Variants in TMEM35A observed in about 807,000 individuals in gnomAD.
TMEM35A encodes transmembrane protein 35A.
For synonymous variants in TMEM35A, 50 were observed against 54.7 expected, an observed-to-expected ratio of 0.91 and a Z score of 0.38; for missense variants, 83 against 132.7, an observed-to-expected ratio of 0.63 and a Z score of 1.84.
rs780147743 is a variant in TMEM35A at position 101,078,947 on chromosome X, G to A, written c.-56G>A. The A allele has an allele frequency of 1.8e-4, 220 of 1,204,331 alleles. No individual in the cohort carries two copies. The highest frequency in any genetic ancestry group is 2.3e-4 in the Non-Finnish European group (209 of 891,727). ...TCCCTGTGCTAACTGCCTGCACCTT[G>A]GACAGAGCGGGTGCGCAAATCAGAA... On this transcript the variant is annotated 5_prime_UTR_variant, in exon 1 of 2. Transcript: ENST00000372930.
At chrX:101,082,512 T>G (rs1049427463) in intron 1 of TMEM35A, among the ~76,000 whole-genome samples, 12 of 108,974 alleles carry the variant, frequency 1.1e-4, no homozygotes, top group African/African-American at 3.7e-4. Context: ...AAGTGTCTGG[T>G]ACAGTGTTTG....
chrX:101,085,112 G>A (rs2089303270), intron 1 of TMEM35A, among the ~76,000 whole-genome samples: 1 of 111,424 alleles, frequency 9.0e-6, no homozygotes, highest in Non-Finnish European at 1.9e-5. Context: ...GTGAACTGAA[G>A]TGGACACTAT....
intron 1 of TMEM35A, among the ~76,000 whole-genome samples, chrX:101,091,357 C>T (rs1308195394): frequency 9.6e-5 from 10 of 104,550 alleles, no homozygotes; most frequent in African/African-American, 3.2e-4. Flanking sequence ...GGCTGCAGTA[C>T]GTTGGCACGA....
At chrX:101,089,758 G>GAA (rs758110830) in intron 1 of TMEM35A, among the ~76,000 whole-genome samples, 46 of 64,234 alleles carry the variant, frequency 7.2e-4, no homozygotes, top group African/African-American at 2.3e-3. Context: ...CCATATCAAA[G>GAA]AAAAAAAAAA....
chrX:101,093,845 C>A (rs2089331155), intron 1 of TMEM35A, among the ~76,000 whole-genome samples: 1 of 111,078 alleles, frequency 9.0e-6, no homozygotes, highest in African/African-American at 3.3e-5. Flanking sequence ...TGAGGGCCCA[C>A]TTTCTCTTCA....
chrX:101,084,055 G>A (rs1292770467), intron 1 of TMEM35A, among the ~76,000 whole-genome samples: 1 of 108,918 alleles, frequency 9.2e-6, no homozygotes, highest in Non-Finnish European at 1.9e-5. Context: ...AGGCATGGTG[G>A]CGCATGCCTG....
intron 1 of TMEM35A, among the ~76,000 whole-genome samples, chrX:101,083,288 ATAAATAG>A (rs2089297914): frequency 8.9e-6 from 1 of 112,184 alleles, no homozygotes; most frequent in African/African-American, 3.2e-5. Flanking sequence ...CTGGGAACAT[ATAAATAG>A]TTGGCTTGCT....
In TMEM35A at chrX:101,090,159, T is replaced by TTC. The variant is rs1446478628; in HGVS notation, c.121-4412_121-4411dup. Among the ~76,000 whole-genome samples the TTC allele has an allele frequency of 3.0e-3, 316 of 105,541 alleles. 1 individual carries two copies. The highest frequency in any genetic ancestry group is 0.011 in the African/African-American group (281 of 26,067). The allele number at this position is 105,541 out of a possible 115,157, so 91.6% of individuals were successfully genotyped here. On this transcript the variant is annotated intron_variant, in intron 1 of 1. Transcript: ENST00000372930. Reference sequence around the variant, plus strand: ...TGCTTTGTGGACTCTGTCTTTCCATTTCTTTCTTTCTTTTTTTTTTTGAGA... The same window carrying TTC: ...TGCTTTGTGGACTCTGTCTTTCCATTTCTCTTTCTTTCTTTTTTTTTTTGAGA...
At chrX:101,079,329 G>A (rs2089285018) in intron 1 of TMEM35A, among the ~76,000 whole-genome samples, 1 of 110,752 alleles carries the variant, frequency 9.0e-6, no homozygotes, top group Non-Finnish European at 1.9e-5. Context: ...GCCACTGAAT[G>A]CCAGTTGGGG....
chrX:101,087,235 C>T (rs1020780467), intron 1 of TMEM35A, among the ~76,000 whole-genome samples: 1 of 112,038 alleles, frequency 8.9e-6, no homozygotes, highest in African/African-American at 3.2e-5. Context: ...GGATGACAGG[C>T]GTGAGCCACT....
intron 1 of TMEM35A, among the ~76,000 whole-genome samples, chrX:101,086,091 T>C (rs1383286047): frequency 8.9e-6 from 1 of 111,778 alleles, no homozygotes; most frequent in East Asian, 2.8e-4. Context: ...TTACCGTGGC[T>C]TGCAAAAATA....
intron 1 of TMEM35A, among the ~76,000 whole-genome samples, chrX:101,089,577 C>CT (rs1429412969): frequency 3.4e-5 from 3 of 89,475 alleles, no homozygotes; most frequent in Non-Finnish European, 4.5e-5. Flanking sequence ...GGGGCTGTCT[C>CT]TAAAAAAAAA....
intron 1 of TMEM35A, among the ~76,000 whole-genome samples, chrX:101,086,443 T>G (rs186099680): frequency 8.9e-6 from 1 of 112,365 alleles, no homozygotes; most frequent in Non-Finnish European, 1.9e-5. Context: ...TCATTAATGA[T>G]CAAATGTGTG....
intron 1 of TMEM35A, chrX:101,094,346 C>T (rs998145843): frequency 3.4e-4 from 96 of 279,591 alleles, no homozygotes; most frequent in African/African-American, 2.3e-3. Flanking sequence ...AATTCCCGGC[C>T]TCAGGTGATC....
intron 1 of TMEM35A, among the ~76,000 whole-genome samples, chrX:101,079,612 C>T (rs1278585724): frequency 1.8e-5 from 2 of 111,981 alleles, no homozygotes; most frequent in African/African-American, 6.5e-5. Flanking sequence ...TGGTATTCCT[C>T]ATCCCAGGCA....
chrX:101,080,677 TA>T (rs1209462869), intron 1 of TMEM35A, among the ~76,000 whole-genome samples: 1 of 110,149 alleles, frequency 9.1e-6, no homozygotes, highest in Non-Finnish European at 1.9e-5. Flanking sequence ...GAAATGCCAT[TA>T]TATTTCTGTC....
rs2089295235 is a variant in TMEM35A, at chrX:101,082,302, G to C, written c.120+3180G>C. On this transcript the variant is annotated intron_variant, in intron 1 of 1. Transcript: ENST00000372930. ...GTTTCTACTGGAGAAGCCAGCAAGG[G>C]TTAGTGGAAAGAGTGCAGGCTTTAT... Among the ~76,000 whole-genome samples, 3 of 105,404 alleles carry C rather than the reference G, an allele frequency of 2.8e-5. No individual in the cohort carries two copies. In the South Asian group the frequency reaches 1.3e-3, roughly 47 times the overall value. 91.5% of individuals were successfully genotyped at this position (105,404 alleles called of 115,157 possible). A position where few individuals can be genotyped will look rare whatever the true frequency, so the allele number is the denominator to read the frequency against.
At chrX:101,088,073 C>T (rs2089312761) in intron 1 of TMEM35A, among the ~76,000 whole-genome samples, 2 of 110,377 alleles carry the variant, frequency 1.8e-5, no homozygotes, top group Admixed American at 1.9e-4. Context: ...TGGTGCGCGC[C>T]TGTAGTCACA....
chrX:101,085,232 T>C (rs5967241), intron 1 of TMEM35A, among the ~76,000 whole-genome samples: 4,214 of 111,772 alleles, frequency 0.038, 81 homozygotes, highest in Middle Eastern at 0.078. Flanking sequence ...TCAAATATAA[T>C]ATCATTAATA....
Sources: allele counts gnomAD v4.1 joint callset (sites outside exome capture counted in the v4.1 genomes callset), GRCh38; gene constraint gnomAD v4.1.1; transcripts MANE v1.5; gene names NCBI Gene and HGNC (gene_info 2026-07-23, HGNC 2026-07-21).